Variants in TYW1B observed in about 807,000 individuals in gnomAD.
The protein encoded by TYW1B is S-adenosyl-L-methionine-dependent tRNA 4-demethylwyosine synthase TYW1B.
A neutral mutation model predicts 86.9 loss-of-function variants in TYW1B; 73 were observed. The ratio of observed to expected loss-of-function variants is 0.84; its 90% CI spans 0.70 to 1.02. The LOEUF (loss-of-function observed/expected upper bound fraction) is 1.02, where lower values mean the gene tolerates loss of function less well. Among genes scored for constraint, TYW1B ranks in the 50% least tolerant of loss-of-function variants. The pLI, the probability that TYW1B is intolerant of heterozygous loss-of-function variation, is 0.00. For synonymous variants in TYW1B, 248 were observed against 292.8 expected (o/e 0.85, Z 1.56); for missense variants, 637 against 827.4 (o/e 0.77, Z 2.82).
chr7:72,672,473 A>ACACACACACACACACAC (rs1813630351), intron 11 of TYW1B, among the ~76,000 whole-genome samples: 1 of 140,782 alleles, frequency 7.1e-6, no homozygotes, highest in African/African-American at 2.7e-5. Flanking sequence ...TACACACACA[A>ACACACACACACACACAC]ACACACACAC....
At chr7:72,807,409 T>C in intron 4 of TYW1B, 53 bp from the exon 5 acceptor site, 3 of 1,569,376 alleles carry the variant, frequency 1.9e-6, no homozygotes, top group Middle Eastern at 3.4e-4. Flanking sequence ...ATCAGGGTTT[T>C]CCAGACTGCT....
intron 13 of TYW1B, among the ~76,000 whole-genome samples, chr7:72,604,225 G>A (rs1563026509): frequency 6.6e-6 from 1 of 152,154 alleles, no homozygotes; most frequent in Middle Eastern, 3.2e-3. Context: ...CAATTTGAGA[G>A]GCCAAGGTGG....
At chr7:72,594,696 G>A (rs1165604569) in intron 13 of TYW1B, among the ~76,000 whole-genome samples, 15 of 152,012 alleles carry the variant, frequency 9.9e-5, no homozygotes, top group Admixed American at 2.6e-4. Flanking sequence ...GACAAAGATC[G>A]TACTGGAAGA....
At chr7:72,725,865 T>G (rs1554458593) in intron 9 of TYW1B, among the ~76,000 whole-genome samples, 1 of 152,086 alleles carries the variant, frequency 6.6e-6, no homozygotes, top group Non-Finnish European at 1.5e-5. Flanking sequence ...TCAGTCTCTC[T>G]GTCTCTCTCT....
chr7:72,648,388 C>T (rs1221071963), intron 11 of TYW1B, among the ~76,000 whole-genome samples: 1 of 151,706 alleles, frequency 6.6e-6, no homozygotes, highest in Non-Finnish European at 1.5e-5. Context: ...ACTAAAAATA[C>T]AAAAATTAGC....
chr7:72,620,533 T>A (rs1398953017), intron 12 of TYW1B, among the ~76,000 whole-genome samples: 9 of 152,150 alleles, frequency 5.9e-5, no homozygotes, highest in African/African-American at 2.2e-4. Context: ...ATGTTCTTGG[T>A]GACTTAGACT....
intron 9 of TYW1B, among the ~76,000 whole-genome samples, chr7:72,719,534 G>A (rs542494725): frequency 1.8e-4 from 27 of 148,246 alleles, no homozygotes; most frequent in African/African-American, 6.2e-4. Context: ...GGGAGGCTGA[G>A]CCAGGAGAAT....
chr7:72,599,878 C>T (rs1356388908), intron 13 of TYW1B, among the ~76,000 whole-genome samples: 2 of 151,948 alleles, frequency 1.3e-5, no homozygotes, highest in African/African-American at 4.8e-5. Flanking sequence ...AAAAATCAGG[C>T]ATATTTCAGT....
chr7:72,822,162 CAAAAAAA>C (rs782637112), intron 2 of TYW1B, among the ~76,000 whole-genome samples: 6 of 36,388 alleles, frequency 1.6e-4, no homozygotes, highest in South Asian at 1.0e-3. Context: ...GACCCTGTCT[CAAAAAAA>C]AAAAAAAAAA....
intron 11 of TYW1B, among the ~76,000 whole-genome samples, chr7:72,636,166 T>C (rs1395610258): frequency 1.3e-5 from 2 of 152,244 alleles, no homozygotes; most frequent in Non-Finnish European, 2.9e-5. Context: ...CATAGATTTA[T>C]TCCTAGGTAA....
At chr7:72,621,447 T>TC (rs1554437960) in intron 12 of TYW1B, among the ~76,000 whole-genome samples, 1 of 152,178 alleles carries the variant, frequency 6.6e-6, no homozygotes, top group Admixed American at 6.5e-5. Flanking sequence ...CAATGGACCA[T>TC]CAGCCATTCA....
chr7:72,682,278 T>A (rs1374590172), intron 11 of TYW1B, among the ~76,000 whole-genome samples: 1 of 151,994 alleles, frequency 6.6e-6, no homozygotes. Flanking sequence ...AGCACATATA[T>A]CAAGTTTCAA....
chr7:72,789,939 C>CT (rs67405029), intron 6 of TYW1B, among the ~76,000 whole-genome samples: 4,234 of 69,096 alleles, frequency 0.061, 273 homozygotes, highest in East Asian at 0.31. Context: ...ATAGGATTAT[C>CT]TTTTTTTTTT....
In TYW1B at chr7:72,675,290, T is replaced by A. The variant is rs1813709164; in HGVS notation, c.1506+19397A>T. Among the ~76,000 whole-genome samples the A allele has an allele frequency of 2.0e-5, 3 of 151,800 alleles. No homozygotes were observed. The South Asian group carries it at 6.3e-4, about 32-fold the overall frequency. On this transcript the variant is annotated intron_variant, in intron 11 of 13. Coordinates refer to ENST00000620995, the MANE Select transcript of TYW1B (RefSeq NM_001145440.3). The stretch of plus-strand genomic sequence containing the variant: ...GGCAGGCACCTGTAATCCCAGCTAC[T>A]CAGGAGGCTGAGGCAGGAGAATTGC...
intron 13 of TYW1B, among the ~76,000 whole-genome samples, chr7:72,583,274 C>T (rs1387519657): frequency 1.3e-5 from 2 of 152,118 alleles, no homozygotes; most frequent in African/African-American, 4.8e-5. Context: ...TGGTTGAACC[C>T]GGGAGGTGGA....
chr7:72,746,659 G>T (rs1251166223), intron 7 of TYW1B, among the ~76,000 whole-genome samples: 1 of 152,116 alleles, frequency 6.6e-6, no homozygotes, highest in Non-Finnish European at 1.5e-5. Context: ...CAGAACTACT[G>T]TCCTTATAAG....
intron 10 of TYW1B, among the ~76,000 whole-genome samples, chr7:72,707,329 AGGCCCCTG>A (rs1162727763): frequency 6.6e-6 from 1 of 152,270 alleles, no homozygotes; most frequent in African/African-American, 2.4e-5. Flanking sequence ...ATGTGAATAG[AGGCCCCTG>A]GGCCCCAGCC....
Position 72,802,409 on chromosome 7 carries a change from C to T in TYW1B, c.837G>A (p.Lys279=). Residue 279 remains lysine, a synonymous_variant, in exon 6 of 14, where the codon AAG becomes AAA. Coordinates refer to ENST00000620995, the MANE Select transcript of TYW1B (RefSeq NM_001145440.3). ...EDLGKIMDHV[K]KEKREKEQQE... ...CCCAAAGTAATGGTACCTTTTCTTT[C>T]TTCACGTGATCCATAATTTTGCCCA... 1 of 1,613,830 alleles carries T rather than the reference C, an allele frequency of 6.2e-7. No homozygotes were observed. Among genetic ancestry groups the T allele is most frequent in the Non-Finnish European group, 8.5e-7 (1 of 1,179,806 alleles).
intron 6 of TYW1B, among the ~76,000 whole-genome samples, chr7:72,785,458 ATTT>A (rs1424397623): frequency 1.4e-5 from 2 of 147,900 alleles, no homozygotes; most frequent in South Asian, 2.1e-4. Flanking sequence ...ATATACTATT[ATTT>A]TATAAAAAAT....
Sources: gnomAD v4.1 joint callset for allele counts (sites outside exome capture counted in the v4.1 genomes callset) on GRCh38, gnomAD v4.1.1 for gene constraint, MANE v1.5 for transcripts, NCBI Gene and HGNC (gene_info 2026-07-23, HGNC 2026-07-21) for gene names.